PMEPA1: variants seen among roughly 807,000 people sequenced by gnomAD.
PMEPA1 encodes the protein prostate transmembrane protein, androgen induced 1.
A neutral mutation model predicts 23.0 loss-of-function variants in PMEPA1; 11 were observed. The ratio of observed to expected loss-of-function variants is 0.48; its 90% CI spans 0.30 to 0.79. The LOEUF (loss-of-function observed/expected upper bound fraction) is 0.79, where lower values mean the gene tolerates loss of function less well. PMEPA1 is among the 30% of genes least tolerant of loss of function. PMEPA1 has a pLI of 0.06. For synonymous variants in PMEPA1, 204 were observed against 166.4 expected (o/e 1.23, Z -1.74); for missense variants, 377 against 390.9 (o/e 0.96, Z 0.30).
intron 1 of PMEPA1, among the ~76,000 whole-genome samples, chr20:57,699,207 T>C (rs1165501059): frequency 6.6e-6 from 1 of 152,194 alleles, no homozygotes; most frequent in Non-Finnish European, 1.5e-5. Flanking sequence ...TGTGCAAGCC[T>C]AGTGGGCAGC....
intron 1 of PMEPA1, among the ~76,000 whole-genome samples, chr20:57,662,008 AC>A: frequency 6.6e-6 from 1 of 151,744 alleles, no homozygotes; most frequent in African/African-American, 2.4e-5. Flanking sequence ...TCAGCGTGCC[AC>A]TGTCTACACT....
chr20:57,652,739 A>G lies in PMEPA1; in HGVS notation c.319-141T>C. The G allele has an allele frequency of 1.2e-6, 1 of 807,454 alleles. No homozygotes were observed. The highest frequency in any genetic ancestry group is 1.8e-5 in the South Asian group (1 of 54,236). The allele number at this position is 807,454 out of a possible 1,614,324, so 50.0% of individuals were successfully genotyped here. On this transcript the variant is annotated intron_variant, in intron 3 of 3. Coordinates refer to ENST00000341744, the MANE Select transcript of PMEPA1 (RefSeq NM_020182.5). The surrounding 1 kb of genome is among the most constrained non-coding windows in gnomAD (Gnocchi z 6.1). ...GGGCAGCAGGGCTGGCGGGGGCGGG[A>G]GCCCAGAGCCTGATCCCGCGGGGGC...
At chr20:57,706,831 C>T (rs1469187198) in intron 1 of PMEPA1, among the ~76,000 whole-genome samples, 2 of 152,132 alleles carry the variant, frequency 1.3e-5, no homozygotes, top group Non-Finnish European at 1.5e-5. Context: ...CCCGAGCTTG[C>T]GTAGGCTCCT....
chr20:57,669,976 C>A (rs990639663), intron 1 of PMEPA1, among the ~76,000 whole-genome samples: 3 of 152,168 alleles, frequency 2.0e-5, no homozygotes, highest in Admixed American at 2.0e-4. Flanking sequence ...TGCTGTCACC[C>A]TGGGCTGACA....
At chr20:57,699,024 G>A (rs1316485766) in intron 1 of PMEPA1, among the ~76,000 whole-genome samples, 1 of 152,164 alleles carries the variant, frequency 6.6e-6, no homozygotes, top group African/African-American at 2.4e-5. Flanking sequence ...GTATAACTCA[G>A]GGGAATGAAG....
intron 1 of PMEPA1, among the ~76,000 whole-genome samples, chr20:57,692,075 T>C (rs984707439): frequency 2.0e-5 from 3 of 152,190 alleles, no homozygotes; most frequent in African/African-American, 4.8e-5. Flanking sequence ...ACTCCTCCAA[T>C]ACTGGCTACG....
intron 1 of PMEPA1, among the ~76,000 whole-genome samples, chr20:57,680,124 TA>T (rs2071693006): frequency 1.3e-5 from 2 of 152,096 alleles, no homozygotes; most frequent in Admixed American, 1.3e-4. Flanking sequence ...GAGTGGATGG[TA>T]AAAACGACTT....
At chr20:57,691,013 C>T (rs1007988638) in intron 1 of PMEPA1, among the ~76,000 whole-genome samples, 1 of 152,214 alleles carries the variant, frequency 6.6e-6, no homozygotes, top group Admixed American at 6.5e-5. Context: ...GGTGCCTCCT[C>T]CTCGTCCCTA....
chr20:57,687,655 G>C (rs906353736), intron 1 of PMEPA1, among the ~76,000 whole-genome samples: 5 of 152,230 alleles, frequency 3.3e-5, no homozygotes, highest in Non-Finnish European at 7.3e-5. Flanking sequence ...GACCTGAAAA[G>C]AAAGGATAAA....
chr20:57,703,227 G>A (rs564896335), intron 1 of PMEPA1, among the ~76,000 whole-genome samples: 1 of 152,224 alleles, frequency 6.6e-6, no homozygotes, highest in East Asian at 1.9e-4. Flanking sequence ...GCCCCTCCCC[G>A]GCCCTCCCCC....
intron 1 of PMEPA1, among the ~76,000 whole-genome samples, chr20:57,686,895 G>A (rs1225614808): frequency 6.6e-6 from 1 of 152,252 alleles, no homozygotes; most frequent in African/African-American, 2.4e-5. Flanking sequence ...GGGAAGGACA[G>A]TGCACCAGGG....
intron 1 of PMEPA1, among the ~76,000 whole-genome samples, chr20:57,698,476 C>G (rs924143342): frequency 6.6e-5 from 10 of 152,196 alleles, no homozygotes; most frequent in Admixed American, 6.5e-4. Context: ...ATGAATCATG[C>G]CTTCCGCAAG....
intron 1 of PMEPA1, among the ~76,000 whole-genome samples, chr20:57,660,390 C>A (rs1159109947): frequency 2.0e-5 from 3 of 151,214 alleles, no homozygotes; most frequent in African/African-American, 7.3e-5. Flanking sequence ...CCTAAGTACA[C>A]GTCAACACCA....
chr20:57,652,713 A>G lies in PMEPA1; in HGVS notation c.319-115T>C. The G allele has an allele frequency of 1.0e-6, 1 of 970,336 alleles. No homozygotes were observed. The highest frequency in any genetic ancestry group is 2.6e-5 in the East Asian group (1 of 37,740). 60.1% of individuals were successfully genotyped at this position (970,336 alleles called of 1,614,324 possible). A position where few individuals can be genotyped will look rare whatever the true frequency, so the allele number is the denominator to read the frequency against. ...GACTTGGCTCTCTGGGGAAAGGGAG[A>G]GGGCAGCAGGGCTGGCGGGGGCGGG... On this transcript the variant is annotated intron_variant, in intron 3 of 3. Transcript: ENST00000341744. This position sits in a 1 kb window ranked among gnomAD's most constrained non-coding sequence, Gnocchi z 6.1.
chr20:57,702,776 G>A (rs1386614067), intron 1 of PMEPA1, among the ~76,000 whole-genome samples: 1 of 152,204 alleles, frequency 6.6e-6, no homozygotes, highest in Non-Finnish European at 1.5e-5. Context: ...TCTCAGGGTT[G>A]TTTTGAACAC....
intron 1 of PMEPA1, among the ~76,000 whole-genome samples, chr20:57,660,447 C>T (rs1200427323): frequency 6.6e-6 from 1 of 150,586 alleles, no homozygotes; most frequent in African/African-American, 2.5e-5. Flanking sequence ...ACACGTACCC[C>T]TAACACTCCT....
intron 1 of PMEPA1, chr20:57,690,333 G>T (rs1556175): frequency 1.6e-6 from 1 of 639,046 alleles, no homozygotes; most frequent in Non-Finnish European, 2.6e-6. Context: ...ACTGCCACCC[G>T]CCCTGCATCA....
Position 57,709,812 on chromosome 20 carries a change from C to T in PMEPA1, c.-230G>A, listed in dbSNP as rs371429327. The stretch of plus-strand genomic sequence containing the variant: ...GGCCTCCCCTCGGCAGCCCCGGGGG[C>T]GTCGGCAGTGCCCGCGGGTGGCGTC... On this transcript the variant is annotated 5_prime_UTR_variant, in exon 1 of 4. Coordinates refer to ENST00000341744, the MANE Select transcript of PMEPA1 (RefSeq NM_020182.5). 2.7e-5 allele frequency: 26 copies of T among 976,878 alleles called. No individual in the cohort carries two copies. In the East Asian group the frequency reaches 1.1e-3, roughly 42 times the overall value. 60.5% of individuals were successfully genotyped at this position (976,878 alleles called of 1,614,324 possible).
chr20:57,704,451 T>C lies in PMEPA1; in HGVS notation c.109+5023A>G, dbSNP rs998994102. Among the ~76,000 whole-genome samples, 40 of 152,160 alleles carry C rather than the reference T, an allele frequency of 2.6e-4. 1 individual carries two copies. Among genetic ancestry groups the C allele is most frequent in the Non-Finnish European group, 1.5e-5 (1 of 68,002 alleles). Reference sequence around the variant, plus strand: ...ACCATGCGTGCGTTACGCAACACTTTGTAAAAAGCAAAAAATGGGCCCTCG... The same window carrying C: ...ACCATGCGTGCGTTACGCAACACTTCGTAAAAAGCAAAAAATGGGCCCTCG... On this transcript the variant is annotated intron_variant, in intron 1 of 3. Coordinates refer to ENST00000341744, the MANE Select transcript of PMEPA1 (RefSeq NM_020182.5). This position sits in a 1 kb window ranked among gnomAD's most constrained non-coding sequence, Gnocchi z 4.6.
Sources: gnomAD v4.1 joint callset for allele counts (sites outside exome capture counted in the v4.1 genomes callset) on GRCh38, gnomAD v4.1.1 for gene constraint, Gnocchi (gnomAD v3.1) non-coding constraint, MANE v1.5 for transcripts, NCBI Gene and HGNC (gene_info 2026-07-23, HGNC 2026-07-21) for gene names.